WNK4: variants seen among roughly 807,000 people sequenced by gnomAD.
WNK4 encodes WNK lysine deficient protein kinase 4, also known as serine/threonine-protein kinase WNK4.
A neutral mutation model predicts 116.2 loss-of-function variants in WNK4; 94 were observed. The ratio of observed to expected loss-of-function variants is 0.81; its 90% CI spans 0.68 to 0.96. The LOEUF is 0.96. Ranked by LOEUF, WNK4 falls within the 40% of genes least tolerant of loss-of-function variation. WNK4 has a pLI of 0.00. For synonymous variants in WNK4, 655 were observed against 672.7 expected, an observed-to-expected ratio of 0.97 and a Z score of 0.41; for missense variants, 1,542 against 1,650.6, an observed-to-expected ratio of 0.93 and a Z score of 1.14.
rs1243024968 is a variant in WNK4, at chr17:42,788,792, G to A, written c.2152G>A (p.Ala718Thr). Residue 718 changes from alanine to threonine, a missense_variant, in exon 11 of 19, where the codon GCC (alanine) becomes ACC (threonine). By Grantham distance (58) the Ala-to-Thr change is moderately conservative. Around this residue, in one of 7 missense-constraint regions of WNK4, gnomAD observed 808 missense variants for 873.6 expected, o/e 0.92. Transcript: ENST00000246914. ...DGDSPEEIAA[A>T]MVYNEFILPS... is the part of the protein sequence containing the mutation. Reference sequence around the variant, plus strand: ...GGACAGCCCGGAAGAGATTGCAGCTGCCATGGTGAGGGGGAGAGAGATGAG... The same window carrying A: ...GGACAGCCCGGAAGAGATTGCAGCTACCATGGTGAGGGGGAGAGAGATGAG... 3 of 1,613,198 alleles carry A rather than the reference G, an allele frequency of 1.9e-6. No individual in the cohort carries two copies. Among genetic ancestry groups the A allele is most frequent in the Non-Finnish European group, 2.5e-6 (3 of 1,179,124 alleles).
At chr17:42,781,458 G>A in intron 1 of WNK4, 142 bp downstream of exon 1, 3 of 1,178,564 alleles carry the variant, frequency 2.5e-6, no homozygotes, top group Non-Finnish European at 3.6e-6. Context: ...TGCTGTCTTT[G>A]CCCTGAATGA....
At position 42,795,815 on chromosome 17, in the gene WNK4, T is replaced by A; in HGVS notation, c.3213T>A (p.Ala1071=). The A allele has an allele frequency of 6.2e-7, 1 of 1,613,784 alleles. No individual in the cohort carries two copies. ...GGGPETREAL[A]ESDRAAEGLG... ...GGCCAGAGACCAGGGAAGCTCTGGC[T>A]GAGAGCGACCGTGCAGCTGAGGGTC... The change falls in exon 16 of 19, where the codon GCT becomes GCA. Residue 1071 remains alanine, a synonymous_variant. Transcript: ENST00000246914.
Position 42,782,755 on chromosome 17 carries a change from CAGACTCGGAAACTGTCT to C in WNK4, c.620_636del (p.Thr207SerfsTer2), listed in dbSNP as rs772627305. 1.2e-6 allele frequency: 2 copies of C among 1,614,078 alleles called. No homozygotes were observed. Among genetic ancestry groups the C allele is most frequent in the South Asian group, 2.2e-5 (2 of 91,084 alleles). On this transcript the variant is annotated splice_acceptor_variant and coding_sequence_variant, in exon 2 of 19. Transcript: ENST00000246914. LOFTEE classifies it high-confidence loss of function. This position sits in a 1 kb window ranked among gnomAD's most constrained non-coding sequence, Gnocchi z 4.2. ...GACATGACACCCGTCCCCCATCCCA[CAGACTCGGAAACTGTCT>C]AGAGCTGAGCGGCAGCGCTTCTCAG...
chr17:42,783,656 A>G (rs2054508358), intron 2 of WNK4: 4 of 544,296 alleles, frequency 7.3e-6, no homozygotes, highest in Non-Finnish European at 1.3e-5. Context: ...GCTCTCCCTC[A>G]TGCTTGGGGC....
Position 42,782,420 on chromosome 17 carries a change from G to GC in WNK4, c.619-333dup, listed in dbSNP as rs11369309. 0.023 allele frequency among the ~76,000 whole-genome samples: 3,453 copies of GC among 152,274 alleles called. 125 individuals carry two copies. The highest frequency in any genetic ancestry group is 0.078 in the African/African-American group (3,252 of 41,548). ...CCCGCCTGCTGCCTGCTCACTGCCAGCCCCCGGGTGCCCCCTCCCGCCCCA... is the reference window on the plus strand; with the variant it reads ...CCCGCCTGCTGCCTGCTCACTGCCAGCCCCCCGGGTGCCCCCTCCCGCCCCA... On this transcript the variant is annotated intron_variant, in intron 1 of 18. Transcript: ENST00000246914. This position sits in a 1 kb window ranked among gnomAD's most constrained non-coding sequence, Gnocchi z 4.2.
chr17:42,796,716 C>A lies in WNK4; in HGVS notation c.*28C>A. 1 of 1,614,182 alleles carries A rather than the reference C, an allele frequency of 6.2e-7. No individual in the cohort carries two copies. The highest frequency in any genetic ancestry group is 8.5e-7 in the Non-Finnish European group (1 of 1,180,032). ...TCAGAACAGAAGCCATGTATCTCCC[C>A]CACACCAGGGCCCACCATGGAGCTT... On this transcript the variant is annotated 3_prime_UTR_variant, in exon 19 of 19. Transcript: ENST00000246914.
Position 42,795,836 on chromosome 17 carries a change from G to C in WNK4, c.3234G>C (p.Glu1078Asp). The stretch of plus-strand genomic sequence containing the variant: ...TGGCTGAGAGCGACCGTGCAGCTGA[G>C]GGTCTGGGGGCTGGAGTTGAGGAGG... ...EALAESDRAA[E>D]GLGAGVEEEG... Residue 1078 changes from glutamate to aspartate, a missense_variant, in exon 16 of 19, where the codon GAG (glutamate) becomes GAC (aspartate). Physicochemically the swap from Glu to Asp is conservative, Grantham distance 45. This residue lies in a region of WNK4 where 292 missense variants were observed against 290.1 expected (regional missense o/e 1.01). Coordinates refer to ENST00000246914, the MANE Select transcript of WNK4 (RefSeq NM_032387.5). 6.2e-7 allele frequency: 1 copy of C among 1,613,826 alleles called. No homozygotes were observed.
chr17:42,794,850 C>A lies in WNK4; in HGVS notation c.2429C>A (p.Pro810His). 1 of 1,613,962 alleles carries A rather than the reference C, an allele frequency of 6.2e-7. No homozygotes were observed. The highest frequency in any genetic ancestry group is 8.5e-7 in the Non-Finnish European group (1 of 1,179,976). Residue 810 changes from proline (P) to histidine (H), a missense_variant, in exon 14 of 19, where the codon CCT becomes CAT. Around this residue, in one of 7 missense-constraint regions of WNK4, gnomAD observed 808 missense variants for 873.6 expected, o/e 0.92. Coordinates refer to ENST00000246914, the MANE Select transcript of WNK4 (RefSeq NM_032387.5). ...FSTSSSSPGT[P>H]LSPGNPFSPG... ...ACCTCCTCATCTTCTCCTGGAACTC[C>A]TTTGTCTCCTGGAAACCCATTTTCC...
chr17:42,783,804 A>G (rs1330664239), intron 2 of WNK4, 133 bp from the exon 3 acceptor site: 1 of 849,934 alleles, frequency 1.2e-6, no homozygotes, highest in East Asian at 2.7e-5. Context: ...CCGGGCAGAC[A>G]TAGGCTAGGA....
chr17:42,796,215 TTGTGGCCCCAGC>T lies in WNK4; in HGVS notation c.3527_3538del (p.Val1176_Ala1179del). ...CTGGGGAAGCAGCCCCCACCGGGTA[TTGTGGCCCCAGC>T]TGCTATGCTGTCCAGCCGCCAGCGC... On this transcript the variant is annotated inframe_deletion, in exon 17 of 19. Transcript: ENST00000246914. 6.2e-7 allele frequency: 1 copy of T among 1,613,898 alleles called. No individual in the cohort carries two copies. The highest frequency in any genetic ancestry group is 8.5e-7 in the Non-Finnish European group (1 of 1,179,950).
chr17:42,783,016 C>CCAGG, intron 2 of WNK4, 86 bp downstream of exon 2: 1 of 1,530,960 alleles, frequency 6.5e-7, no homozygotes, highest in East Asian at 2.4e-5. Flanking sequence ...CTCAAACTCT[C>CCAGG]TAATATCCAG....
At position 42,782,935 on chromosome 17, in the gene WNK4, G is replaced by A; in HGVS notation, c.791+5G>A. 1 of 1,613,846 alleles carries A rather than the reference G, an allele frequency of 6.2e-7. No homozygotes were observed. On this transcript the variant is annotated splice_donor_5th_base_variant and intron_variant, in intron 2 of 18. Transcript: ENST00000246914. This position sits in a 1 kb window ranked among gnomAD's most constrained non-coding sequence, Gnocchi z 4.2. ...GACCTCGGGCACGCTCAAGACGTGAGCTCTGCGCATGAGTGGGTGGGGAGA... is the reference window on the plus strand; with the variant it reads ...GACCTCGGGCACGCTCAAGACGTGAACTCTGCGCATGAGTGGGTGGGGAGA...
Position 42,780,804 on chromosome 17 carries a change from C to T in WNK4, c.106C>T (p.Leu36Phe). ...TCTTGGCACCGCGGGGCAGCCCCGCCTCGGGCCCCCTCCTCGCCGAGCGCG... is the reference window on the plus strand; with the variant it reads ...TCTTGGCACCGCGGGGCAGCCCCGCTTCGGGCCCCCTCCTCGCCGAGCGCG... ...PPLGTAGQPR[L>F]GPPPRRARRF... The change falls in exon 1 of 19, where the codon CTC (leucine) becomes TTC (phenylalanine). Residue 36 changes from leucine to phenylalanine, a missense_variant. This residue lies in a region of WNK4 where 243 missense variants were observed against 217.8 expected (regional missense o/e 1.12). Transcript: ENST00000246914. The T allele has an allele frequency of 6.2e-7, 1 of 1,602,616 alleles. No homozygotes were observed.
chr17:42,785,220 G>A (rs2054532271), intron 5 of WNK4, 35 bp downstream of exon 5: 2 of 1,608,600 alleles, frequency 1.2e-6, no homozygotes, highest in African/African-American at 2.7e-5. Context: ...GGTAGAATAG[G>A]GCCGCGGGCC....
rs755742671 is a variant in WNK4 at position 42,788,669 on chromosome 17, TTGAATC to T, written c.2041-7_2041-2del. 38 of 1,608,836 alleles carry T rather than the reference TTGAATC, an allele frequency of 2.4e-5. 1 individual carries two copies. In the South Asian group the frequency reaches 4.2e-4, roughly 18 times the overall value. On this transcript the variant is annotated splice_region_variant and splice_polypyrimidine_tract_variant and intron_variant, in intron 10 of 18. Coordinates refer to ENST00000246914, the MANE Select transcript of WNK4 (RefSeq NM_032387.5). ...CTTGACCTTCTCCCCTCTGCTGACTTTGAATCTGAAGGTCTCAGACCAGAATGACAG... is the reference window on the plus strand; with the variant it reads ...CTTGACCTTCTCCCCTCTGCTGACTTTGAAGGTCTCAGACCAGAATGACAG...
Position 42,795,353 on chromosome 17 carries a change from T to C in WNK4, c.2932T>C (p.Ser978Pro). 6.2e-7 allele frequency: 1 copy of C among 1,613,948 alleles called. No homozygotes were observed. Among genetic ancestry groups the C allele is most frequent in the African/African-American group, 1.3e-5 (1 of 74,944 alleles). Residue 978 changes from serine (S) to proline (P), a missense_variant, in exon 14 of 19, where the codon TCA (serine) becomes CCA (proline). Ser to Pro is a moderately conservative substitution (Grantham distance 74). Coordinates refer to ENST00000246914, the MANE Select transcript of WNK4 (RefSeq NM_032387.5). ...TGCTCCTGGTGGCCAGGAAAGCCCTTCACCCCACACAGCTGAGGTGGAGAG... is the reference window on the plus strand; with the variant it reads ...TGCTCCTGGTGGCCAGGAAAGCCCTCCACCCCACACAGCTGAGGTGGAGAG... The part of the protein sequence containing the change: ...PVAPGGQESP[S>P]PHTAEVESEA...
At position 42,788,804 on chromosome 17, in the gene WNK4, G is replaced by A. The variant is rs746641653; in HGVS notation, c.2157+7G>A. 6.2e-7 allele frequency: 1 copy of A among 1,609,142 alleles called. No individual in the cohort carries two copies. The highest frequency in any genetic ancestry group is 8.5e-7 in the Non-Finnish European group (1 of 1,175,456). ...AGAGATTGCAGCTGCCATGGTGAGG[G>A]GGAGAGAGATGAGGACAGAGTGTTT... On this transcript the variant is annotated splice_region_variant and intron_variant, in intron 11 of 18. Coordinates refer to ENST00000246914, the MANE Select transcript of WNK4 (RefSeq NM_032387.5).
chr17:42,794,245 C>G (rs2054637467), intron 12 of WNK4: 1 of 344,762 alleles, frequency 2.9e-6, no homozygotes, highest in South Asian at 3.2e-5. Flanking sequence ...TTTCTTTTAA[C>G]TCATTATTTT....
intron 15 of WNK4, 23 bp from the exon 16 acceptor site, chr17:42,795,602 C>T (rs1435874743): frequency 6.2e-7 from 1 of 1,614,172 alleles, no homozygotes; most frequent in Admixed American, 1.7e-5. Context: ...TTTCCTCATG[C>T]CTTCTTCCTC....
Sources: gnomAD v4.1 joint callset for allele counts (sites outside exome capture counted in the v4.1 genomes callset) on GRCh38, gnomAD v4.1.1 for gene constraint, gnomAD v4.1.1 regional missense constraint, Gnocchi (gnomAD v3.1) non-coding constraint, MANE v1.5 for transcripts, NCBI Gene and HGNC (gene_info 2026-07-23, HGNC 2026-07-21) for gene names.